The following GRHL2 variants were observed in gnomAD, a reference collection of about 807,000 sequenced individuals.
GRHL2 encodes the protein grainyhead-like protein 2 homolog.
A neutral mutation model predicts 83.8 loss-of-function variants in GRHL2; 21 were observed. That is an observed-to-expected ratio of 0.25 (90% CI 0.18 to 0.36). The LOEUF (loss-of-function observed/expected upper bound fraction) is 0.36, where lower values mean the gene tolerates loss of function less well. GRHL2 is among the 10% of genes least tolerant of loss of function. GRHL2 has a pLI of 1.00. For synonymous variants in GRHL2, 280 were observed against 278.9 expected (o/e 1.00, Z -0.04); for missense variants, 623 against 781.8 (o/e 0.80, Z 2.42).
At chr8:101,659,156 T>A (rs4734036) in intron 14 of GRHL2, among the ~76,000 whole-genome samples, 1 of 152,036 alleles carries the variant, frequency 6.6e-6, no homozygotes, top group African/African-American at 2.4e-5. Context: ...TGGGTGAGAC[T>A]AATAACAACT....
At chr8:101,624,998 C>CA (rs1247830943) in intron 9 of GRHL2, among the ~76,000 whole-genome samples, 2 of 152,016 alleles carry the variant, frequency 1.3e-5, no homozygotes, top group South Asian at 2.1e-4. Flanking sequence ...AAAACCGAAC[C>CA]AAAAAAATCA....
chr8:101,641,860 C>T (rs1813408533), intron 12 of GRHL2, among the ~76,000 whole-genome samples: 1 of 152,158 alleles, frequency 6.6e-6, no homozygotes, highest in Non-Finnish European at 1.5e-5. Context: ...TAGTATTTGT[C>T]TATAACTGAC....
chr8:101,660,242 G>A (rs115435986), intron 14 of GRHL2, among the ~76,000 whole-genome samples: 4,387 of 152,226 alleles, frequency 0.029, 158 homozygotes, highest in African/African-American at 0.078. Flanking sequence ...TAGCTTCTCC[G>A]TCAATAGTGC....
At chr8:101,506,835 CAAA>C (rs10688299) in intron 1 of GRHL2, among the ~76,000 whole-genome samples, 1 of 147,110 alleles carries the variant, frequency 6.8e-6, no homozygotes, top group Non-Finnish European at 1.5e-5. Context: ...ATTTGCAAGG[CAAA>C]AAAAAAAAAA....
intron 1 of GRHL2, among the ~76,000 whole-genome samples, chr8:101,501,264 C>T (rs1474692458): frequency 6.6e-6 from 1 of 152,216 alleles, no homozygotes; most frequent in East Asian, 1.9e-4. Context: ...GAGCACTTCA[C>T]TTTCACTCCC....
Position 101,586,065 on chromosome 8 carries a change from C to CTTTTTTTTTTTTT in GRHL2, c.1003+8559_1003+8571dup, listed in dbSNP as rs67985027. 1.4e-3 allele frequency among the ~76,000 whole-genome samples: 128 copies of CTTTTTTTTTTTTT among 94,322 alleles called. 12 individuals are homozygous for CTTTTTTTTTTTTT. The highest frequency in any genetic ancestry group is 3.9e-3 in the African/African-American group (91 of 23,284). The allele number at this position is 94,322 out of a possible 152,430, so 61.9% of individuals were successfully genotyped here. A position where few individuals can be genotyped will look rare whatever the true frequency, so the allele number is the denominator to read the frequency against. On this transcript the variant is annotated intron_variant, in intron 7 of 15. Transcript: ENST00000646743. ...TCTTCTTTCCTTCCACCTCATGTTT[C>CTTTTTTTTTTTTT]TTTTTTTTTTTTTTTTTTTTTTTTT...
intron 8 of GRHL2, among the ~76,000 whole-genome samples, chr8:101,609,775 A>C (rs1055934014): frequency 4.6e-5 from 7 of 151,024 alleles, no homozygotes; most frequent in Non-Finnish European, 8.8e-5. Context: ...TTTGCATAAC[A>C]TGTTTCTAGA....
At chr8:101,531,565 C>T (rs1416393227) in intron 1 of GRHL2, among the ~76,000 whole-genome samples, 1 of 152,102 alleles carries the variant, frequency 6.6e-6, no homozygotes, top group Non-Finnish European at 1.5e-5. Flanking sequence ...TTTACACACA[C>T]ACACACACCA....
chr8:101,573,555 TA>T, intron 5 of GRHL2, 112 bp from the exon 6 acceptor site: 2 of 1,334,754 alleles, frequency 1.5e-6, no homozygotes, highest in Non-Finnish European at 2.1e-6. Flanking sequence ...GTTTTGTCTC[TA>T]AAACAGTAAA....
In GRHL2 at chr8:101,584,106, TA is replaced by T. The variant is rs144936352; in HGVS notation, c.1003+6588del. Among the ~76,000 whole-genome samples the T allele has an allele frequency of 2.1e-3, 322 of 152,358 alleles. 6 individuals are homozygous for T. In the East Asian group the frequency reaches 0.053, roughly 25 times the overall value. On this transcript the variant is annotated intron_variant, in intron 7 of 15. Coordinates refer to ENST00000646743, the MANE Select transcript of GRHL2 (RefSeq NM_024915.4). ...TTGTAGTTAATTGTGAAATAAACTG[TA>T]TGCTCTTTATTCAATCTCTGTCTTC... is the stretch of plus-strand genomic sequence containing the variant.
intron 7 of GRHL2, among the ~76,000 whole-genome samples, chr8:101,583,533 C>T (rs1301476880): frequency 6.6e-6 from 1 of 152,140 alleles, no homozygotes; most frequent in Non-Finnish European, 1.5e-5. Flanking sequence ...TGGCCAGGTA[C>T]TGAGTTCAGC....
intron 7 of GRHL2, among the ~76,000 whole-genome samples, chr8:101,582,840 T>G (rs545884527): frequency 5.5e-4 from 84 of 152,332 alleles, no homozygotes; most frequent in African/African-American, 1.9e-3. Flanking sequence ...TGGGGAGATA[T>G]TCAAGTGTGT....
rs34332949 is a variant in GRHL2 at position 101,558,785 on chromosome 8, C to T, written c.651C>T (p.Ser217=). The T allele has an allele frequency of 2.3e-3, 3,708 of 1,614,042 alleles. 85 individuals carry two copies. The African/African-American group carries it at 0.044, about 19-fold the overall frequency. ...DQRSTPDSTY[S]ESFKDAATEK... ...GCAGCACTCCGGACAGCACATACAG[C>T]GAGAGCTTCAAGGACGCAGCCACAG... The change falls in exon 4 of 16, where the codon AGC becomes AGT. Residue 217 remains serine (S), a synonymous_variant. Coordinates refer to ENST00000646743, the MANE Select transcript of GRHL2 (RefSeq NM_024915.4).
chr8:101,671,764 C>G (rs1240983621), downstream of GRHL2, among the ~76,000 whole-genome samples: 1 of 152,246 alleles, frequency 6.6e-6, no homozygotes, highest in Non-Finnish European at 1.5e-5. Context: ...GACCCCCAAG[C>G]AGCCTAACTG....
chr8:101,675,668 C>G, the GRHL2 span, among the ~76,000 whole-genome samples: 2 of 152,174 alleles, frequency 1.3e-5, no homozygotes, highest in East Asian at 1.9e-4. Flanking sequence ...CCATCCCCAA[C>G]AAGCTACCAA....
intron 1 of GRHL2, among the ~76,000 whole-genome samples, chr8:101,521,528 A>G (rs188406402): frequency 6.6e-6 from 1 of 152,150 alleles, no homozygotes; most frequent in Non-Finnish European, 1.5e-5. Flanking sequence ...CTGCAGTTGT[A>G]TATTCTTCTG....
At chr8:101,522,797 T>C (rs1810716129) in intron 1 of GRHL2, among the ~76,000 whole-genome samples, 1 of 149,044 alleles carries the variant, frequency 6.7e-6, no homozygotes, top group African/African-American at 2.5e-5. Context: ...ATCTGAGTTG[T>C]TTTGGAATTG....
intron 1 of GRHL2, among the ~76,000 whole-genome samples, chr8:101,501,050 A>G (rs764944383): frequency 2.6e-5 from 4 of 152,260 alleles, no homozygotes; most frequent in Admixed American, 6.5e-5. Flanking sequence ...TACTAATCAA[A>G]TAACACATTT....
rs532616200 is a variant in GRHL2, at chr8:101,618,625, T to C, written c.1099-914T>C. Among the ~76,000 whole-genome samples, 6 of 152,122 alleles carry C rather than the reference T, an allele frequency of 3.9e-5. No individual in the cohort carries two copies. The South Asian group carries it at 1.2e-3, about 32-fold the overall frequency. ...CAGCTGGAGCTAAAACCTGGGGCATTTGACTCCCAATCTCGTAGGCTTTCT... is the reference window on the plus strand; with the variant it reads ...CAGCTGGAGCTAAAACCTGGGGCATCTGACTCCCAATCTCGTAGGCTTTCT... On this transcript the variant is annotated intron_variant, in intron 8 of 15. Transcript: ENST00000646743.
Sources: allele counts gnomAD v4.1 joint callset (sites outside exome capture counted in the v4.1 genomes callset), GRCh38; gene constraint gnomAD v4.1.1; transcripts MANE v1.5; gene names NCBI Gene and HGNC (gene_info 2026-07-23, HGNC 2026-07-21).